Variants in DGKB observed in about 807,000 individuals in gnomAD.
The protein encoded by DGKB is 90 kDa diacylglycerol kinase.
A neutral mutation model predicts 114.3 loss-of-function variants in DGKB; 67 were observed. The observed-to-expected ratio is 0.59, with a 90% CI of 0.48 to 0.72. The LOEUF (loss-of-function observed/expected upper bound fraction) is 0.72. Ranked by LOEUF, DGKB falls within the 30% of genes least tolerant of loss-of-function variation. The pLI is 0.00. For synonymous variants in DGKB, 398 were observed against 323.1 expected, an observed-to-expected ratio of 1.23 and a Z score of -2.49; for missense variants, 907 against 975.2, an observed-to-expected ratio of 0.93 and a Z score of 0.93.
At chr7:14,353,512 C>G (rs1813872356) in intron 21 of DGKB, among the ~76,000 whole-genome samples, 1 of 152,098 alleles carries the variant, frequency 6.6e-6, no homozygotes, top group South Asian at 2.1e-4. Flanking sequence ...ACAAGGGAAA[C>G]CCAGAGATGA....
At chr7:14,577,077 T>TA (rs1417771696) in intron 19 of DGKB, among the ~76,000 whole-genome samples, 2 of 152,116 alleles carry the variant, frequency 1.3e-5, no homozygotes, top group Non-Finnish European at 2.9e-5. Flanking sequence ...ATCATGATTT[T>TA]AAAAAAGACA....
chr7:14,605,863 G>T (rs1406203868), intron 17 of DGKB, among the ~76,000 whole-genome samples: 1 of 152,050 alleles, frequency 6.6e-6, no homozygotes, highest in Middle Eastern at 3.2e-3. Flanking sequence ...ATTGTTATTT[G>T]CTTCATAGGC....
intron 20 of DGKB, among the ~76,000 whole-genome samples, chr7:14,504,856 G>C (rs972154053): frequency 3.3e-5 from 5 of 152,106 alleles, no homozygotes; most frequent in Non-Finnish European, 5.9e-5. Flanking sequence ...CTAAATACTA[G>C]ATGATTTCTT....
In DGKB at chr7:14,700,259, G is replaced by A. The variant is rs539429604; in HGVS notation, c.516+1422C>T. ...GATGGAGTCTTGCTCTCTCGCCCAG[G>A]CTGGAGTGCAGTGGCACGATCTCGG... On this transcript the variant is annotated intron_variant, in intron 7 of 25. Transcript: ENST00000402815. Among the ~76,000 whole-genome samples the A allele has an allele frequency of 5.6e-4, 84 of 150,122 alleles. No individual in the cohort carries two copies. In the South Asian group the frequency reaches 0.016, roughly 29 times the overall value.
intron 13 of DGKB, among the ~76,000 whole-genome samples, chr7:14,635,523 T>C (rs1216805379): frequency 6.6e-6 from 1 of 151,482 alleles, no homozygotes; most frequent in African/African-American, 2.4e-5. Context: ...AAGAAAACTA[T>C]GAAATCGAGG....
At chr7:14,268,751 A>T (rs2128427061) in intron 23 of DGKB, 1 of 152,316 alleles carries the variant, frequency 6.6e-6, no homozygotes, top group East Asian at 1.9e-4. Context: ...TAACTTATTT[A>T]GAACATATAC....
chr7:14,830,094 A>G (rs1231027252), intron 2 of DGKB, among the ~76,000 whole-genome samples: 2 of 152,036 alleles, frequency 1.3e-5, no homozygotes, highest in Non-Finnish European at 2.9e-5. Context: ...GGAGAGTGGA[A>G]AGTAAAATGT....
chr7:14,288,728 C>A (rs2128468156), intron 23 of DGKB, among the ~76,000 whole-genome samples: 1 of 152,242 alleles, frequency 6.6e-6, no homozygotes, highest in Non-Finnish European at 1.5e-5. Context: ...GGGCAATTCC[C>A]TCAATGTTTT....
In DGKB at chr7:14,146,528, T is replaced by TTTAA. The variant is rs1462483833; in HGVS notation, c.*2599_*2602dup. On this transcript the variant is annotated 3_prime_UTR_variant, in exon 26 of 26. Coordinates refer to ENST00000402815, the MANE Select transcript of DGKB (RefSeq NM_001350709.2). The stretch of plus-strand genomic sequence containing the variant: ...GCTAACAACATTCATCATTCAATAT[T>TTTAA]TTAATATACTATAGAATTTTCCTTA... 1 of 152,188 alleles carries TTTAA rather than the reference T, an allele frequency of 6.6e-6. No individual in the cohort carries two copies. Among genetic ancestry groups the TTTAA allele is most frequent in the Non-Finnish European group, 1.5e-5 (1 of 68,024 alleles). 9.4% of individuals were successfully genotyped at this position (152,188 alleles called of 1,614,324 possible).
rs1790205988 is a variant in DGKB, at chr7:14,523,921, G to T, written c.1771-45696C>A. On this transcript the variant is annotated intron_variant, in intron 20 of 25. Transcript: ENST00000402815. ...TGAGGGGTTACAGTGTTATGTTTCT[G>T]CAATGACTAAATGGTTATACTATAT... Among the ~76,000 whole-genome samples, 4 of 152,152 alleles carry T rather than the reference G, an allele frequency of 2.6e-5. No homozygotes were observed. In the South Asian group the frequency reaches 8.3e-4, roughly 32 times the overall value.
intron 23 of DGKB, among the ~76,000 whole-genome samples, chr7:14,259,708 G>C (rs998410734): frequency 6.6e-6 from 1 of 152,174 alleles, no homozygotes; most frequent in Non-Finnish European, 1.5e-5. Context: ...TTACAGGCGT[G>C]AGCCACCGTG....
chr7:14,535,821 G>A (rs549108195), intron 20 of DGKB, among the ~76,000 whole-genome samples: 2 of 152,076 alleles, frequency 1.3e-5, no homozygotes, highest in East Asian at 1.9e-4. Context: ...TCTTGCCCTC[G>A]TGATCCACCC....
chr7:14,560,531 G>A (rs867374521), intron 20 of DGKB, among the ~76,000 whole-genome samples: 8 of 152,012 alleles, frequency 5.3e-5, no homozygotes, highest in Non-Finnish European at 1.2e-4. Context: ...GTTGCATATT[G>A]CAAAACTTTC....
chr7:14,374,040 C>G (rs1818101757), intron 21 of DGKB, among the ~76,000 whole-genome samples: 1 of 151,976 alleles, frequency 6.6e-6, no homozygotes, highest in Admixed American at 6.6e-5. Flanking sequence ...GCAGCTCATG[C>G]TCTCCTCTTC....
At chr7:14,550,221 T>C in intron 20 of DGKB, among the ~76,000 whole-genome samples, 1 of 152,158 alleles carries the variant, frequency 6.6e-6, no homozygotes, top group East Asian at 1.9e-4. Flanking sequence ...AACTTATTTA[T>C]CATTCATTAG....
chr7:14,300,365 G>A (rs1267794385), intron 23 of DGKB, among the ~76,000 whole-genome samples: 4 of 151,954 alleles, frequency 2.6e-5, no homozygotes, highest in Non-Finnish European at 4.4e-5. Flanking sequence ...CATAAATACC[G>A]TGTACTAATC....
intron 4 of DGKB, among the ~76,000 whole-genome samples, chr7:14,750,484 T>G (rs1000781132): frequency 2.0e-5 from 3 of 152,122 alleles, no homozygotes; most frequent in Non-Finnish European, 4.4e-5. Flanking sequence ...ACCTGAAATG[T>G]GTTCAAATCT....
At chr7:14,206,831 C>T (rs1392466842) in intron 23 of DGKB, among the ~76,000 whole-genome samples, 1 of 151,938 alleles carries the variant, frequency 6.6e-6, no homozygotes, top group Non-Finnish European at 1.5e-5. Flanking sequence ...ATTGTTGCAA[C>T]TATTTTTTGT....
intron 1 of DGKB, among the ~76,000 whole-genome samples, chr7:14,869,482 A>C (rs1265859426): frequency 6.6e-6 from 1 of 152,188 alleles, no homozygotes; most frequent in Non-Finnish European, 1.5e-5. Flanking sequence ...TATTTTTACA[A>C]AAGTGTTTAA....
Sources: allele counts gnomAD v4.1 joint callset (sites outside exome capture counted in the v4.1 genomes callset), GRCh38; gene constraint gnomAD v4.1.1; transcripts MANE v1.5; gene names NCBI Gene and HGNC (gene_info 2026-07-23, HGNC 2026-07-21).